Variants in USP47 observed in about 807,000 individuals in gnomAD.
USP47 encodes ubiquitin specific peptidase 47.
In USP47, 35 loss-of-function variants were observed where a neutral mutation model predicts 165.1. That is an observed-to-expected ratio of 0.21 (90% CI 0.16 to 0.28). USP47 has a LOEUF of 0.28. USP47 is among the 10% of genes least tolerant of loss of function. The pLI is 1.00. For synonymous variants in USP47, 531 were observed against 544.5 expected (o/e 0.98, Z 0.35); for missense variants, 1,277 against 1,607.4 (o/e 0.79, Z 3.52).
In USP47 at chr11:11,929,490, T is replaced by G. The variant is rs1402882745; in HGVS notation, c.1443T>G (p.Gly481=). The stretch of plus-strand genomic sequence containing the variant: ...TGGTTCATTCTGGGAGCGCTGCTGG[T>G]GGTCATTATTATGCATGTATAAAGT... ...SVMVHSGSAA[G]GHYYACIKSF... is the part of the protein sequence containing the mutation. Residue 481 remains glycine, a synonymous_variant, in exon 12 of 28, where the codon GGT becomes GGG. Coordinates refer to ENST00000527733, the MANE Select transcript of USP47 (RefSeq NM_001282659.2). The G allele has an allele frequency of 6.2e-7, 1 of 1,613,246 alleles. No homozygotes were observed. The highest frequency in any genetic ancestry group is 8.5e-7 in the Non-Finnish European group (1 of 1,179,480).
chr11:11,855,157 A>C (rs74800555), intron 1 of USP47, among the ~76,000 whole-genome samples: 3,125 of 152,256 alleles, frequency 0.021, 42 homozygotes, highest in Non-Finnish European at 0.032. Context: ...TTAAAAGTAA[A>C]AGAAATTTTG....
At chr11:11,872,791 T>C (rs1850153636) in intron 1 of USP47, among the ~76,000 whole-genome samples, 1 of 152,214 alleles carries the variant, frequency 6.6e-6, no homozygotes, top group Admixed American at 6.5e-5. Flanking sequence ...AATTCTTTCT[T>C]TGAGAAATTA....
At position 11,942,640 on chromosome 11, in the gene USP47, T is replaced by C. The variant is rs1469335177; in HGVS notation, c.2619T>C (p.Asn873=). The part of the protein sequence containing the change: ...LSLQQQQDGD[N]GDSSKSTETS... ...TGCAGCAACAGCAGGATGGAGATAA[T>C]GGGGACAGCAGCAAAAGTACTGAGA... The change falls in exon 20 of 28, where the codon AAT becomes AAC. Residue 873 remains asparagine, a synonymous_variant. Coordinates refer to ENST00000527733, the MANE Select transcript of USP47 (RefSeq NM_001282659.2). The C allele has an allele frequency of 6.2e-7, 1 of 1,613,406 alleles. No individual in the cohort carries two copies. The highest frequency in any genetic ancestry group is 2.2e-5 in the East Asian group (1 of 44,856).
At chr11:11,869,469 C>A (rs1849893972) in intron 1 of USP47, among the ~76,000 whole-genome samples, 1 of 152,054 alleles carries the variant, frequency 6.6e-6, no homozygotes, top group Non-Finnish European at 1.5e-5. Flanking sequence ...CTATTTATCT[C>A]TCTACAAATA....
In USP47 at chr11:11,902,885, G is replaced by T. The variant is rs369802747; in HGVS notation, c.739+25G>T. On this transcript the variant is annotated intron_variant, in intron 6 of 27. Coordinates refer to ENST00000527733, the MANE Select transcript of USP47 (RefSeq NM_001282659.2). Reference sequence around the variant, plus strand: ...GGTACTAATTCTCTTGTAATGATAAGCGTTCTAATATTCAAACAAATTCTA... The same window carrying T: ...GGTACTAATTCTCTTGTAATGATAATCGTTCTAATATTCAAACAAATTCTA... 4 of 1,524,732 alleles carry T rather than the reference G, an allele frequency of 2.6e-6. No homozygotes were observed. The African/African-American group carries it at 5.6e-5, about 21-fold the overall frequency. 94.5% of individuals were successfully genotyped at this position (1,524,732 alleles called of 1,614,324 possible).
rs1046083926 is a variant in USP47 at position 11,880,279 on chromosome 11, A to G, written c.142A>G (p.Thr48Ala). 2.1e-6 allele frequency: 3 copies of G among 1,442,412 alleles called. No individual in the cohort carries two copies. The highest frequency in any genetic ancestry group is 2.7e-6 in the Non-Finnish European group (3 of 1,107,804). The allele number at this position is 1,442,412 out of a possible 1,614,324, so 89.4% of individuals were successfully genotyped here. ...GATCACTTTAAATTTACCAGCATCT[A>G]CTCCAGTCAGAAAGCTCTTTGAAGA... Reference protein sequence around the residue: ...ERITLNLPASTPVRKLFEDVA... With the variant: ...ERITLNLPASAPVRKLFEDVA... The change falls in exon 2 of 28, where the codon ACT becomes GCT. Residue 48 changes from threonine (T) to alanine (A), a missense_variant. Thr to Ala is a moderately conservative substitution (Grantham distance 58, BLOSUM62 0). Around this residue, in one of 4 missense-constraint regions of USP47, gnomAD observed 181 missense variants for 194.7 expected, o/e 0.93. Transcript: ENST00000527733.
At chr11:11,934,987 T>A (rs1248470182) in intron 16 of USP47, among the ~76,000 whole-genome samples, 1 of 152,134 alleles carries the variant, frequency 6.6e-6, no homozygotes, top group Non-Finnish European at 1.5e-5. Flanking sequence ...GAAAGTGTGA[T>A]CCAGTGCAAT....
At position 11,960,683 on chromosome 11, in the gene USP47, A is replaced by T. The variant is rs1264262301; in HGVS notation, c.*4508A>T. Among the ~76,000 whole-genome samples, 2 of 152,202 alleles carry T rather than the reference A, an allele frequency of 1.3e-5. No homozygotes were observed. Among genetic ancestry groups the T allele is most frequent in the Non-Finnish European group, 2.9e-5 (2 of 68,034 alleles). On this transcript the variant is annotated 3_prime_UTR_variant, in exon 28 of 28. Coordinates refer to ENST00000527733, the MANE Select transcript of USP47 (RefSeq NM_001282659.2). ...ATTTCACCCTCCCTTGGTCATCTTT[A>T]TACAGGGCAATTGTGCTGCTGCTGC...
chr11:11,867,177 G>A lies in USP47; in HGVS notation c.40-13000G>A, dbSNP rs889637350. Reference sequence around the variant, plus strand: ...CTTTCAAAGTGTTGGGATTATAGGCGTGAGCCGCTGTGCCTGGCCCTCTCT... The same window carrying A: ...CTTTCAAAGTGTTGGGATTATAGGCATGAGCCGCTGTGCCTGGCCCTCTCT... On this transcript the variant is annotated intron_variant, in intron 1 of 27. Transcript: ENST00000527733. 2.6e-5 allele frequency among the ~76,000 whole-genome samples: 4 copies of A among 152,164 alleles called. No individual in the cohort carries two copies. The South Asian group carries it at 6.2e-4, about 24-fold the overall frequency.
chr11:11,889,726 A>G (rs1251948827), intron 3 of USP47, among the ~76,000 whole-genome samples: 1 of 152,208 alleles, frequency 6.6e-6, no homozygotes, highest in East Asian at 1.9e-4. Context: ...ATATGGAACC[A>G]AAAAAGAGCC....
At chr11:11,932,961 C>T (rs1476369370) in intron 14 of USP47, 43 bp from the exon 15 acceptor site, 1 of 1,481,210 alleles carries the variant, frequency 6.8e-7, no homozygotes, top group Admixed American at 1.8e-5. Flanking sequence ...AAAGGCAGCT[C>T]AGTTTCAGTG....
chr11:11,902,849 A>G lies in USP47; in HGVS notation c.728A>G (p.Asp243Gly). The change falls in exon 6 of 28, where the codon GAT becomes GGT. Residue 243 changes from aspartate to glycine, a missense_variant. By Grantham distance (94) the Asp-to-Gly change is moderately conservative (BLOSUM62 -1). Transcript: ENST00000527733. ...TTDVTRSFGW[D>G]SSEAWQQHDV... ...GATGTTACAAGGAGCTTTGGATGGG[A>G]TAGTAGTGAGGGTACTAATTCTCTT... is the stretch of plus-strand genomic sequence containing the variant. 1 of 1,586,480 alleles carries G rather than the reference A, an allele frequency of 6.3e-7. No individual in the cohort carries two copies. The highest frequency in any genetic ancestry group is 8.6e-7 in the Non-Finnish European group (1 of 1,168,122).
intron 4 of USP47, among the ~76,000 whole-genome samples, chr11:11,894,388 G>A (rs1851725212): frequency 6.6e-6 from 1 of 152,052 alleles, no homozygotes; most frequent in Admixed American, 6.6e-5. Flanking sequence ...CCCAGGAGGT[G>A]GTTGCAGTGA....
At chr11:11,934,935 A>C (rs1053581735) in intron 16 of USP47, among the ~76,000 whole-genome samples, 3 of 152,180 alleles carry the variant, frequency 2.0e-5, no homozygotes, top group African/African-American at 7.2e-5. Flanking sequence ...GGAACCAATA[A>C]CATAACTAAA....
chr11:11,874,404 A>T (rs1006921280), intron 1 of USP47, among the ~76,000 whole-genome samples: 6 of 152,196 alleles, frequency 3.9e-5, no homozygotes, highest in African/African-American at 1.4e-4. Flanking sequence ...GAAAAAGATC[A>T]TGTAGATAAC....
In USP47 at chr11:11,930,701, C is replaced by T; in HGVS notation, c.1601C>T (p.Thr534Ile). The change falls in exon 14 of 28, where the codon ACA becomes ATA. Residue 534 changes from threonine to isoleucine, a missense_variant. Thr to Ile is a moderately conservative substitution (Grantham distance 89). Around this residue, in one of 4 missense-constraint regions of USP47, gnomAD observed 909 missense variants for 1,068.1 expected, o/e 0.85. Coordinates refer to ENST00000527733, the MANE Select transcript of USP47 (RefSeq NM_001282659.2). ...CTTTTTTATGTTTCTACTAGTTCCA[C>T]AAATGCATATATGCTGATCTATAGA... ...GYYSSAFASS[T>I]NAYMLIYRLK... 6.2e-7 allele frequency: 1 copy of T among 1,602,090 alleles called. No homozygotes were observed. The highest frequency in any genetic ancestry group is 8.5e-7 in the Non-Finnish European group (1 of 1,175,842).
rs751639052 is a variant in USP47 at position 11,942,369 on chromosome 11, A to G, written c.2348A>G (p.Gln783Arg). ...GAAAGCTCCGAGACTTTGGATTACCAGATGGCCTTTGCAGACTCTCATTTA... is the reference window on the plus strand; with the variant it reads ...GAAAGCTCCGAGACTTTGGATTACCGGATGGCCTTTGCAGACTCTCATTTA... Reference protein sequence around the residue: ...FVESSETLDYQMAFADSHLWK... With the variant: ...FVESSETLDYRMAFADSHLWK... Residue 783 changes from glutamine (Q) to arginine (R), a missense_variant, in exon 20 of 28, where the codon CAG becomes CGG. Coordinates refer to ENST00000527733, the MANE Select transcript of USP47 (RefSeq NM_001282659.2). The G allele has an allele frequency of 3.8e-5, 61 of 1,609,960 alleles. No homozygotes were observed. Among genetic ancestry groups the G allele is most frequent in the Non-Finnish European group, 5.1e-5 (60 of 1,178,204 alleles).
chr11:11,899,061 T>A (rs1185992488), intron 5 of USP47, among the ~76,000 whole-genome samples: 1 of 152,180 alleles, frequency 6.6e-6, no homozygotes, highest in Non-Finnish European at 1.5e-5. Flanking sequence ...GATGCCAGGA[T>A]TCACTACTCT....
chr11:11,918,562 G>A (rs61870732), intron 8 of USP47, among the ~76,000 whole-genome samples: 2,550 of 152,104 alleles, frequency 0.017, 33 homozygotes, highest in Middle Eastern at 0.034. Context: ...CTCTCAAATG[G>A]CTAAAACAAA....
Sources: gnomAD v4.1 joint callset for allele counts (sites outside exome capture counted in the v4.1 genomes callset) on GRCh38, gnomAD v4.1.1 for gene constraint, gnomAD v4.1.1 regional missense constraint, MANE v1.5 for transcripts, NCBI Gene and HGNC (gene_info 2026-07-23, HGNC 2026-07-21) for gene names.